ESR2: variants seen among roughly 807,000 people sequenced by gnomAD.
ESR2 encodes the protein estrogen receptor 2.
In ESR2, 36 loss-of-function variants were observed where a neutral mutation model predicts 49.6. That is an observed-to-expected ratio of 0.73 (90% CI 0.56 to 0.96). The LOEUF is 0.96. Among genes scored for constraint, ESR2 ranks in the 40% least tolerant of loss-of-function variants. The pLI is 0.00. For missense variants in ESR2, 714 were observed against 693.0 expected, an observed-to-expected ratio of 1.03 and a Z score of -0.34; for synonymous variants, 320 against 266.1, an observed-to-expected ratio of 1.20 and a Z score of -1.97.
intron 4 of ESR2, among the ~76,000 whole-genome samples, chr14:64,267,081 C>CA (rs2076346116): frequency 6.6e-6 from 1 of 152,132 alleles, no homozygotes; most frequent in African/African-American, 2.4e-5. Flanking sequence ...AGGTTTCACC[C>CA]TGTTGACCAG....
chr14:64,279,748 G>A (rs904087457), intron 3 of ESR2, among the ~76,000 whole-genome samples: 3 of 152,198 alleles, frequency 2.0e-5, no homozygotes, highest in African/African-American at 7.2e-5. Flanking sequence ...GTGGGTGAAC[G>A]AGGGGTAAGA....
At chr14:64,274,484 TTCTA>T (rs771937386) in intron 3 of ESR2, among the ~76,000 whole-genome samples, 7 of 152,286 alleles carry the variant, frequency 4.6e-5, no homozygotes, top group South Asian at 2.1e-4. Context: ...TATTCGACTC[TTCTA>T]TCTTTTTTTT....
chr14:64,308,650 TA>T (rs1372275188), intron 1 of ESR2, among the ~76,000 whole-genome samples: 3 of 152,218 alleles, frequency 2.0e-5, no homozygotes, highest in Non-Finnish European at 4.4e-5. Flanking sequence ...CTGCTATTGT[TA>T]AGAGTGTTCT....
At chr14:64,292,796 G>A (rs2076894184) in intron 1 of ESR2, among the ~76,000 whole-genome samples, 1 of 152,102 alleles carries the variant, frequency 6.6e-6, no homozygotes, top group South Asian at 2.1e-4. Context: ...ATGGTTATGA[G>A]TTGAATTTAC....
intron 3 of ESR2, among the ~76,000 whole-genome samples, chr14:64,277,227 C>G (rs2076573469): frequency 6.6e-6 from 1 of 152,266 alleles, no homozygotes; most frequent in East Asian, 1.9e-4. Context: ...GCAAGCACAA[C>G]ACAGCTTCCA....
chr14:64,285,294 A>G (rs1398914995), intron 1 of ESR2, among the ~76,000 whole-genome samples: 1 of 152,168 alleles, frequency 6.6e-6, no homozygotes, highest in Non-Finnish European at 1.5e-5. Flanking sequence ...TCTAAGTCAC[A>G]TTCTTCGAGC....
intron 1 of ESR2, among the ~76,000 whole-genome samples, chr14:64,328,073 T>G (rs926609996): frequency 3.4e-5 from 4 of 118,854 alleles, no homozygotes; most frequent in African/African-American, 1.4e-4. Flanking sequence ...AAAAAAAAAA[T>G]TAGCCAGGCA....
chr14:64,254,280 G>C (rs990847131), intron 6 of ESR2, among the ~76,000 whole-genome samples: 1 of 152,136 alleles, frequency 6.6e-6, no homozygotes, highest in Non-Finnish European at 1.5e-5. Flanking sequence ...TTGCAAAAAA[G>C]AGTCGTAATA....
intron 1 of ESR2, chr14:64,303,480 G>A (rs1312712685): frequency 1.3e-5 from 2 of 150,862 alleles, no homozygotes; most frequent in Non-Finnish European, 2.9e-5. Context: ...GTTCACCTGT[G>A]TTCTCGCTCC....
chr14:64,263,155 T>C (rs2076254518), intron 4 of ESR2, among the ~76,000 whole-genome samples: 1 of 152,078 alleles, frequency 6.6e-6, no homozygotes, highest in African/African-American at 2.4e-5. Context: ...AATCTAGACA[T>C]AGATTAGGTG....
At chr14:64,273,062 G>A (rs1165199667) in intron 3 of ESR2, among the ~76,000 whole-genome samples, 1 of 151,814 alleles carries the variant, frequency 6.6e-6, no homozygotes. Context: ...TCATTGTAGA[G>A]AACTTTCACT....
At chr14:64,303,867 T>C (rs1261328348) in intron 1 of ESR2, among the ~76,000 whole-genome samples, 1 of 152,204 alleles carries the variant, frequency 6.6e-6, no homozygotes, top group Non-Finnish European at 1.5e-5. Flanking sequence ...CACTATATAC[T>C]GAGAAAGACT....
At chr14:64,246,757 A>G (rs1009088396) in intron 7 of ESR2, among the ~76,000 whole-genome samples, 1 of 148,334 alleles carries the variant, frequency 6.7e-6, no homozygotes, top group African/African-American at 2.5e-5. Context: ...AAAAAAAAAA[A>G]AAAAAAAAAA....
intron 7 of ESR2, among the ~76,000 whole-genome samples, chr14:64,236,573 C>T (rs954900733): frequency 7.2e-5 from 11 of 152,138 alleles, no homozygotes; most frequent in African/African-American, 2.7e-4. Context: ...CCGCTTCTCT[C>T]ATCTGCAGTT....
chr14:64,322,418 G>A (rs2077335650), intron 1 of ESR2, among the ~76,000 whole-genome samples: 1 of 150,768 alleles, frequency 6.6e-6, no homozygotes, highest in Non-Finnish European at 1.5e-5. Flanking sequence ...ACTCACACCT[G>A]TAATTTCAGC....
At chr14:64,260,905 CTTT>C (rs1172010882) in intron 4 of ESR2, among the ~76,000 whole-genome samples, 157 bp from the exon 5 acceptor site, 1 of 152,164 alleles carries the variant, frequency 6.6e-6, no homozygotes. Flanking sequence ...TTTTCAGAAA[CTTT>C]TTAGGTCTCC....
intron 6 of ESR2, among the ~76,000 whole-genome samples, chr14:64,251,434 C>A (rs2075988577): frequency 6.6e-6 from 1 of 150,872 alleles, no homozygotes; most frequent in African/African-American, 2.4e-5. Context: ...CACACACTCA[C>A]ACACACCCCT....
At chr14:64,322,353 C>T (rs536137467) in intron 1 of ESR2, among the ~76,000 whole-genome samples, 20 of 152,130 alleles carry the variant, frequency 1.3e-4, no homozygotes, top group African/African-American at 4.8e-4. Context: ...GCCACTGCAC[C>T]TGGCCTGAAA....
intron 1 of ESR2, among the ~76,000 whole-genome samples, chr14:64,306,733 G>A (rs969653065): frequency 6.6e-6 from 1 of 152,170 alleles, no homozygotes; most frequent in Middle Eastern, 3.2e-3. Context: ...CTACTGATCT[G>A]TAGTTTTCTA....
Sources: gnomAD v4.1 joint callset for allele counts (sites outside exome capture counted in the v4.1 genomes callset) on GRCh38, gnomAD v4.1.1 for gene constraint, MANE v1.5 for transcripts, NCBI Gene and HGNC (gene_info 2026-07-23, HGNC 2026-07-21) for gene names.